CFAP20: variants seen among roughly 807,000 people sequenced by gnomAD.
The protein encoded by CFAP20 is cilia- and flagella-associated protein 20.
A neutral mutation model predicts 25.5 loss-of-function variants in CFAP20; 14 were observed. The observed-to-expected ratio is 0.55, with a 90% confidence interval of 0.36 to 0.86. The LOEUF is 0.86. Among genes scored for constraint, CFAP20 ranks in the 40% least tolerant of loss-of-function variants. CFAP20 has a pLI of 0.01. For missense variants in CFAP20, 181 were observed against 248.0 expected (o/e 0.73, Z 1.81); for synonymous variants, 75 against 91.1 (o/e 0.82, Z 1.01).
At chr16:58,119,427 TA>T (rs1485188228) in intron 1 of CFAP20, 1 of 152,232 alleles carries the variant, frequency 6.6e-6, no homozygotes, top group Non-Finnish European at 1.5e-5. Flanking sequence ...AGGAGGGTTT[TA>T]AAAATTCCTG....
At chr16:58,115,134 A>G (rs1960439780) in intron 4 of CFAP20, 135 bp downstream of exon 4, 1 of 1,286,760 alleles carries the variant, frequency 7.8e-7, no homozygotes, top group African/African-American at 1.5e-5. Flanking sequence ...GACCTTTGTG[A>G]GGCCAAAGCT....
intron 1 of CFAP20, among the ~76,000 whole-genome samples, chr16:58,123,833 T>C (rs1567448638): frequency 6.6e-6 from 1 of 152,146 alleles, no homozygotes; most frequent in Non-Finnish European, 1.5e-5. Flanking sequence ...CAAAAGCTTC[T>C]ATCAGGAAAC....
chr16:58,128,656 G>A (rs187639821), intron 1 of CFAP20, among the ~76,000 whole-genome samples: 22 of 152,294 alleles, frequency 1.4e-4, no homozygotes, highest in African/African-American at 5.3e-4. Flanking sequence ...CTTCAAATAA[G>A]TTCGTGCATT....
At chr16:58,116,244 T>C in intron 2 of CFAP20, 92 bp from the exon 3 acceptor site, 1 of 885,474 alleles carries the variant, frequency 1.1e-6, no homozygotes, top group Non-Finnish European at 1.7e-6. Flanking sequence ...GAGGATACAC[T>C]GGAAAGCAGA....
Position 58,129,038 on chromosome 16 carries a change from G to C in CFAP20, c.78C>G (p.Asp26Glu). 6.5e-7 allele frequency: 1 copy of C among 1,533,298 alleles called. No individual in the cohort carries two copies. Among genetic ancestry groups the C allele is most frequent in the Non-Finnish European group, 8.8e-7 (1 of 1,130,938 alleles). The allele number at this position is 1,533,298 out of a possible 1,614,324, so 95.0% of individuals were successfully genotyped here. A position where few individuals can be genotyped will look rare whatever the true frequency, so the allele number is the denominator to read the frequency against. Residue 26 changes from aspartate to glutamate, a missense_variant, in exon 1 of 6, where the codon GAC (aspartate) becomes GAG (glutamate). By Grantham distance (45) the Asp-to-Glu change is conservative (BLOSUM62 2). Coordinates refer to ENST00000262498, the MANE Select transcript of CFAP20 (RefSeq NM_013242.3). The stretch of plus-strand genomic sequence containing the variant: ...TCGCCGCCCCTAGCCCGACCTTTTT[G>C]TCCCAGATTTGCAGAGGCTTGCTGC... ...SIGSKPLQIW[D>E]KKVRNGHIKR...
At chr16:58,116,799 G>A in intron 2 of CFAP20, 73 bp downstream of exon 2, 1 of 1,389,708 alleles carries the variant, frequency 7.2e-7, no homozygotes, top group Admixed American at 1.8e-5. Context: ...TCCGCAGTCT[G>A]TGCTATTAAC....
chr16:58,115,930 G>C, intron 3 of CFAP20, 111 bp downstream of exon 3: 1 of 708,406 alleles, frequency 1.4e-6, no homozygotes, highest in Non-Finnish European at 2.4e-6. Context: ...AAGCAGAAAA[G>C]AATACATGCA....
chr16:58,118,288 T>G (rs1356816877), intron 1 of CFAP20, among the ~76,000 whole-genome samples: 1 of 151,542 alleles, frequency 6.6e-6, no homozygotes, highest in Non-Finnish European at 1.5e-5. Flanking sequence ...AAGATCAGCT[T>G]GGGCAACATA....
At chr16:58,114,526 A>C (rs1189279316) in intron 5 of CFAP20, among the ~76,000 whole-genome samples, 1 of 131,388 alleles carries the variant, frequency 7.6e-6, no homozygotes, top group Admixed American at 7.5e-5. Flanking sequence ...ACTCCATCTC[A>C]AAAAAAAAAA....
At chr16:58,119,451 C>A (rs1960503515) in intron 1 of CFAP20, 1 of 152,190 alleles carries the variant, frequency 6.6e-6, no homozygotes, top group South Asian at 2.1e-4. Context: ...TAACACATCC[C>A]CCGTGGACTA....
intron 1 of CFAP20, among the ~76,000 whole-genome samples, chr16:58,128,763 G>A (rs1029372928): frequency 7.9e-5 from 12 of 152,072 alleles, no homozygotes; most frequent in African/African-American, 2.7e-4. Context: ...ACAGCAGCGA[G>A]GGTCGCGGTC....
chr16:58,120,565 G>A (rs764157777), intron 1 of CFAP20, among the ~76,000 whole-genome samples: 8 of 152,150 alleles, frequency 5.3e-5, no homozygotes, highest in Admixed American at 2.0e-4. Flanking sequence ...AAACAAAGCC[G>A]TACAATGCAC....
In CFAP20 at chr16:58,114,911, T is replaced by C; in HGVS notation, c.475A>G (p.Asn159Asp). 1 of 1,613,058 alleles carries C rather than the reference T, an allele frequency of 6.2e-7. No individual in the cohort carries two copies. Among genetic ancestry groups the C allele is most frequent in the South Asian group, 1.1e-5 (1 of 91,050 alleles). ...AAGTAAACCCGTCGGATGCGACAATTTGCATGGATCTGTCAAGGCAATGCT... is the reference window on the plus strand; with the variant it reads ...AAGTAAACCCGTCGGATGCGACAATCTGCATGGATCTGTCAAGGCAATGCT... ...IETLRVQIHANCRIRRVYFSD... is the reference protein window; with the variant it reads ...IETLRVQIHADCRIRRVYFSD... The change falls in exon 5 of 6, where the codon AAT becomes GAT. Residue 159 changes from asparagine (N) to aspartate (D), a missense_variant. By Grantham distance (23) the Asn-to-Asp change is conservative. Transcript: ENST00000262498.
At chr16:58,125,070 A>C (rs1960594077) in intron 1 of CFAP20, among the ~76,000 whole-genome samples, 1 of 152,250 alleles carries the variant, frequency 6.6e-6, no homozygotes, top group Non-Finnish European at 1.5e-5. Flanking sequence ...CAACTGCACA[A>C]AAATATTTTC....
Position 58,129,210 on chromosome 16 carries a change from G to C in CFAP20, c.-95C>G. The C allele has an allele frequency of 1.5e-6, 2 of 1,354,994 alleles. No homozygotes were observed. The highest frequency in any genetic ancestry group is 2.0e-5 in the Admixed American group (1 of 50,058). The allele number at this position is 1,354,994 out of a possible 1,614,324, so 83.9% of individuals were successfully genotyped here. ...GCGTCGAGGGCACAGCAGCAGGCCG[G>C]CCCTGTTCCGAAGAAGGGTGGTTGA... On this transcript the variant is annotated 5_prime_UTR_variant, in exon 1 of 6. Transcript: ENST00000262498.
intron 1 of CFAP20, among the ~76,000 whole-genome samples, chr16:58,123,520 C>CAGG (rs537531803): frequency 0.05 from 6,801 of 136,330 alleles, 199 homozygotes; most frequent in South Asian, 0.16. Flanking sequence ...GGCGTGAACC[C>CAGG]AGGTGGTGGA....
chr16:58,116,203 G>T, intron 2 of CFAP20, 51 bp from the exon 3 acceptor site: 1 of 1,345,176 alleles, frequency 7.4e-7, no homozygotes, highest in Non-Finnish European at 1.1e-6. Context: ...CTCTTCCTTT[G>T]TGGTATGCAC....
chr16:58,118,780 C>T (rs1960492667), intron 1 of CFAP20, among the ~76,000 whole-genome samples: 1 of 152,108 alleles, frequency 6.6e-6, no homozygotes. Context: ...CGTGATTGTG[C>T]CACTGTACTC....
rs752101250 is a variant in CFAP20 at position 58,115,423 on chromosome 16, C to G, written c.311G>C (p.Arg104Pro). ...LDDKNVRRRF[R>P]ASNYQSTTRV... ...GGTGGTGCTCTGGTAGTTACTTGCC[C>G]GAAAGCGACGACGCACATTCTTGTC... The change falls in exon 4 of 6, where the codon CGG becomes CCG. Residue 104 changes from arginine to proline, a missense_variant. Physicochemically the swap from Arg to Pro is moderately radical, Grantham distance 103. Coordinates refer to ENST00000262498, the MANE Select transcript of CFAP20 (RefSeq NM_013242.3). 1 of 1,614,132 alleles carries G rather than the reference C, an allele frequency of 6.2e-7. No individual in the cohort carries two copies. The highest frequency in any genetic ancestry group is 8.5e-7 in the Non-Finnish European group (1 of 1,180,034).
Sources: allele counts gnomAD v4.1 joint callset (sites outside exome capture counted in the v4.1 genomes callset), GRCh38; gene constraint gnomAD v4.1.1; transcripts MANE v1.5; gene names NCBI Gene and HGNC (gene_info 2026-07-23, HGNC 2026-07-21).